The following SPIDR variants were observed in gnomAD, a reference collection of about 807,000 sequenced individuals.
SPIDR encodes DNA repair-scaffolding protein.
Under a neutral mutation model 104.6 loss-of-function variants are expected in SPIDR, and 93 were observed. The observed-to-expected ratio is 0.89, with a 90% CI of 0.75 to 1.06. The LOEUF (loss-of-function observed/expected upper bound fraction) is 1.06. Ranked by LOEUF, SPIDR falls within the 50% of genes least tolerant of loss-of-function variation. SPIDR has a pLI of 0.00. For synonymous variants in SPIDR, 431 were observed against 416.9 expected (o/e 1.03, Z -0.41); for missense variants, 1,154 against 1,111.2 (o/e 1.04, Z -0.55).
At chr8:47,499,055 C>A (rs576523210) in intron 8 of SPIDR, among the ~76,000 whole-genome samples, 16 of 152,282 alleles carry the variant, frequency 1.1e-4, no homozygotes, top group Admixed American at 3.3e-4. Flanking sequence ...GAAATTCTAA[C>A]TGTTTAGCAA....
chr8:47,632,299 C>G (rs1056193322), intron 10 of SPIDR, among the ~76,000 whole-genome samples: 1 of 152,168 alleles, frequency 6.6e-6, no homozygotes, highest in Non-Finnish European at 1.5e-5. Flanking sequence ...AGAGTTAACA[C>G]ATGGTACCCA....
intron 8 of SPIDR, among the ~76,000 whole-genome samples, chr8:47,454,871 C>T (rs1239429718): frequency 6.6e-6 from 1 of 151,640 alleles, no homozygotes; most frequent in East Asian, 1.9e-4. Flanking sequence ...ACACATCAAA[C>T]TGCTGTCTCA....
chr8:47,476,662 T>C (rs1402015242), intron 8 of SPIDR, among the ~76,000 whole-genome samples: 2 of 152,120 alleles, frequency 1.3e-5, no homozygotes, highest in African/African-American at 4.8e-5. Flanking sequence ...TAAGGGTGTG[T>C]CTAAGTCACC....
In SPIDR at chr8:47,684,456, AG is replaced by A. The variant is rs1350967792; in HGVS notation, c.1685+10516del. The stretch of plus-strand genomic sequence containing the variant: ...AGCACTGATTCACAGCTCTGGCTTT[AG>A]AATCCATATGTCTTGGTTAATACAT... On this transcript the variant is annotated intron_variant, in intron 11 of 19. Coordinates refer to ENST00000297423, the MANE Select transcript of SPIDR (RefSeq NM_001080394.4). 3.8e-3 allele frequency among the ~76,000 whole-genome samples: 572 copies of A among 152,330 alleles called. 9 individuals are homozygous for A. The highest frequency in any genetic ancestry group is 0.013 in the African/African-American group (541 of 41,584).
At chr8:47,290,798 G>A (rs1215942847) in intron 3 of SPIDR, among the ~76,000 whole-genome samples, 1 of 151,702 alleles carries the variant, frequency 6.6e-6, no homozygotes, top group Non-Finnish European at 1.5e-5. Flanking sequence ...TCCTTTTTTT[G>A]TATAACTTAA....
chr8:47,593,162 A>G (rs2061256023), intron 8 of SPIDR, among the ~76,000 whole-genome samples: 1 of 152,180 alleles, frequency 6.6e-6, no homozygotes, highest in Non-Finnish European at 1.5e-5. Flanking sequence ...CTGGGATTAC[A>G]GGCATGAGCC....
At chr8:47,294,179 A>T (rs1190045684) in intron 5 of SPIDR, 149 bp downstream of exon 5, 5 of 950,952 alleles carry the variant, frequency 5.3e-6, no homozygotes, top group African/African-American at 3.4e-5. Context: ...TTACTCACTT[A>T]TCTCTAAATA....
intron 8 of SPIDR, among the ~76,000 whole-genome samples, chr8:47,559,665 GC>G (rs2056828969): frequency 1.3e-5 from 2 of 152,204 alleles, no homozygotes; most frequent in Non-Finnish European, 2.9e-5. Context: ...TGTCCCCTAT[GC>G]CTGTTGGAGT....
intron 8 of SPIDR, among the ~76,000 whole-genome samples, chr8:47,472,656 G>A (rs1263941681): frequency 6.6e-6 from 1 of 152,216 alleles, no homozygotes; most frequent in Non-Finnish European, 1.5e-5. Context: ...CTAGAGCACA[G>A]TTTATTTACT....
At chr8:47,466,944 G>GATAT (rs1490180715) in intron 8 of SPIDR, among the ~76,000 whole-genome samples, 1,443 of 134,048 alleles carry the variant, frequency 0.011, 60 homozygotes, top group Non-Finnish European at 0.018. Context: ...TAGATAGATA[G>GATAT]ATAGATATAA....
At chr8:47,419,044 A>G (rs1035376468) in intron 7 of SPIDR, 5 of 152,142 alleles carry the variant, frequency 3.3e-5, no homozygotes, top group Non-Finnish European at 5.9e-5. Context: ...GGATTTTTGC[A>G]TCGATGTTCC....
chr8:47,685,505 A>AT lies in SPIDR; in HGVS notation c.1685+11567dup, dbSNP rs201735323. 1.4e-3 allele frequency among the ~76,000 whole-genome samples: 142 copies of AT among 104,316 alleles called. 2 individuals carry two copies. The highest frequency in any genetic ancestry group is 2.7e-3 in the Admixed American group (25 of 9,414). 68.4% of individuals were successfully genotyped at this position (104,316 alleles called of 152,430 possible). On this transcript the variant is annotated intron_variant, in intron 11 of 19. Transcript: ENST00000297423. ...TATTTATTTATTTATTTATTTATTT[A>AT]TTTATTTATTTATTTTTTTGAGACA...
intron 8 of SPIDR, among the ~76,000 whole-genome samples, chr8:47,580,465 G>A (rs1242960856): frequency 1.3e-5 from 2 of 152,070 alleles, no homozygotes; most frequent in African/African-American, 2.4e-5. Context: ...GAATGCTCCC[G>A]ATTTATAAAA....
chr8:47,697,085 C>T (rs2079437747), intron 11 of SPIDR, among the ~76,000 whole-genome samples: 1 of 152,108 alleles, frequency 6.6e-6, no homozygotes, highest in Non-Finnish European at 1.5e-5. Flanking sequence ...CTCTATCTCT[C>T]TTGAGGGGTG....
chr8:47,644,601 C>T (rs571252117), intron 10 of SPIDR, among the ~76,000 whole-genome samples: 1 of 152,284 alleles, frequency 6.6e-6, no homozygotes, highest in South Asian at 2.1e-4. Flanking sequence ...TTATACTTTA[C>T]TTTTCTCATT....
At chr8:47,414,544 T>C (rs1357785715) in intron 7 of SPIDR, among the ~76,000 whole-genome samples, 1 of 152,206 alleles carries the variant, frequency 6.6e-6, no homozygotes, top group African/African-American at 2.4e-5. Context: ...ATGATTTAGC[T>C]TGAGATCTTT....
intron 9 of SPIDR, among the ~76,000 whole-genome samples, chr8:47,596,682 T>G (rs2061654599): frequency 6.6e-6 from 1 of 152,160 alleles, no homozygotes; most frequent in Admixed American, 6.5e-5. Flanking sequence ...AGTAATAAGT[T>G]AACCTTAATT....
chr8:47,446,527 A>G (rs565124890), intron 8 of SPIDR, among the ~76,000 whole-genome samples: 2 of 152,126 alleles, frequency 1.3e-5, no homozygotes, highest in Non-Finnish European at 2.9e-5. Flanking sequence ...CCTGTGGATC[A>G]AGGGGTAATT....
intron 6 of SPIDR, among the ~76,000 whole-genome samples, chr8:47,405,709 ATAACT>A (rs1220408189): frequency 1.3e-5 from 2 of 152,206 alleles, no homozygotes; most frequent in East Asian, 1.9e-4. Context: ...GCCTTTATAA[ATAACT>A]TATCTGGCTA....
Sources: gnomAD v4.1 joint callset for allele counts (sites outside exome capture counted in the v4.1 genomes callset) on GRCh38, gnomAD v4.1.1 for gene constraint, MANE v1.5 for transcripts, NCBI Gene and HGNC (gene_info 2026-07-23, HGNC 2026-07-21) for gene names.